TDRD7: variants seen among roughly 807,000 people sequenced by gnomAD.
TDRD7 encodes tudor domain-containing protein 7.
TDRD7 carries 47 observed loss-of-function variants against 109.8 expected under a neutral mutation model. The ratio of observed to expected loss-of-function variants is 0.43; its 90% CI spans 0.34 to 0.55. TDRD7 has a LOEUF of 0.55. Among genes scored for constraint, TDRD7 ranks in the 20% least tolerant of loss-of-function variants. TDRD7 has a pLI of 0.03. For missense variants in TDRD7, 1,164 were observed against 1,319.2 expected (o/e 0.88, Z 1.82); for synonymous variants, 424 against 457.3 (o/e 0.93, Z 0.93).
rs909440028 is a variant in TDRD7, at chr9:97,431,152, T to G, written c.349+78T>G. 2.5e-6 allele frequency: 4 copies of G among 1,582,920 alleles called. No homozygotes were observed. In the East Asian group the frequency reaches 6.7e-5, roughly 27 times the overall value. Reference sequence around the variant, plus strand: ...CATAGGGAATTATGGAAATATTGTTTGTATTATGATAAATACTTGTATCTG... The same window carrying G: ...CATAGGGAATTATGGAAATATTGTTGGTATTATGATAAATACTTGTATCTG... On this transcript the variant is annotated intron_variant, in intron 3 of 16. Coordinates refer to ENST00000355295, the MANE Select transcript of TDRD7 (RefSeq NM_014290.3).
chr9:97,456,986 A>G lies in TDRD7; in HGVS notation c.856-3192A>G, dbSNP rs191152930. Among the ~76,000 whole-genome samples, 122 of 152,278 alleles carry G rather than the reference A, an allele frequency of 8.0e-4. No homozygotes were observed. The South Asian group carries it at 0.018, about 23-fold the overall frequency. On this transcript the variant is annotated intron_variant, in intron 6 of 16. Coordinates refer to ENST00000355295, the MANE Select transcript of TDRD7 (RefSeq NM_014290.3). ...TAAACATATGTACAAGAAAAAAACA[A>G]CCCCATCAAAAAGTGGGCAAAGGGT... is the stretch of plus-strand genomic sequence containing the variant.
chr9:97,475,725 G>A (rs950216768), intron 12 of TDRD7, among the ~76,000 whole-genome samples: 8 of 151,848 alleles, frequency 5.3e-5, no homozygotes, highest in Admixed American at 4.6e-4. Context: ...TACTGTATTT[G>A]TACTTGTAGA....
chr9:97,473,727 G>A (rs1013931703), intron 11 of TDRD7, 101 bp downstream of exon 11: 16 of 1,471,468 alleles, frequency 1.1e-5, no homozygotes, highest in African/African-American at 5.6e-5. Flanking sequence ...TTGTATGAAC[G>A]ATTTTTTAGT....
At chr9:97,461,015 C>A (rs1019842214) in intron 7 of TDRD7, among the ~76,000 whole-genome samples, 1 of 152,010 alleles carries the variant, frequency 6.6e-6, no homozygotes, top group Non-Finnish European at 1.5e-5. Flanking sequence ...GTGGCGGGTG[C>A]CTGTAGTCCC....
At chr9:97,444,920 G>A (rs139835351) in intron 6 of TDRD7, among the ~76,000 whole-genome samples, 164 of 152,298 alleles carry the variant, frequency 1.1e-3, no homozygotes, top group African/African-American at 3.8e-3. Context: ...TTAGTATGCT[G>A]TAAGCCGCTT....
chr9:97,466,266 C>G (rs940221350), intron 8 of TDRD7, among the ~76,000 whole-genome samples: 1 of 152,218 alleles, frequency 6.6e-6, no homozygotes, highest in South Asian at 2.1e-4. Flanking sequence ...GCAGGTTGCT[C>G]AATAGGAGAG....
intron 7 of TDRD7, among the ~76,000 whole-genome samples, chr9:97,461,351 G>A (rs534807944): frequency 5.9e-5 from 9 of 152,118 alleles, no homozygotes; most frequent in South Asian, 4.1e-4. Flanking sequence ...TACCTAGTTC[G>A]CAGAAAAGGC....
intron 1 of TDRD7, among the ~76,000 whole-genome samples, chr9:97,427,907 A>G (rs1283131680): frequency 1.3e-5 from 2 of 151,932 alleles, no homozygotes; most frequent in Non-Finnish European, 2.9e-5. Flanking sequence ...TTTTTCCCCT[A>G]TTTAAAATAT....
intron 1 of TDRD7, among the ~76,000 whole-genome samples, chr9:97,413,344 G>A (rs1275686486): frequency 6.6e-6 from 1 of 152,218 alleles, no homozygotes; most frequent in Non-Finnish European, 1.5e-5. Context: ...TTTACAAATT[G>A]TGTGATCTTG....
intron 1 of TDRD7, among the ~76,000 whole-genome samples, chr9:97,427,959 G>C (rs530185123): frequency 6.6e-6 from 1 of 152,212 alleles, no homozygotes; most frequent in African/African-American, 2.4e-5. Context: ...GCAAACATGA[G>C]CATAATATAG....
In TDRD7 at chr9:97,453,459, T is replaced by G. The variant is rs115017874; in HGVS notation, c.856-6719T>G. Reference sequence around the variant, plus strand: ...CCATAATAAGTGTGTGAATCCTTCATTGGCAACCCAGGGTATCCAGGTTCT... The same window carrying G: ...CCATAATAAGTGTGTGAATCCTTCAGTGGCAACCCAGGGTATCCAGGTTCT... On this transcript the variant is annotated intron_variant, in intron 6 of 16. Coordinates refer to ENST00000355295, the MANE Select transcript of TDRD7 (RefSeq NM_014290.3). Among the ~76,000 whole-genome samples, 1,029 of 152,200 alleles carry G rather than the reference T, an allele frequency of 6.8e-3. 7 individuals carry two copies. The highest frequency in any genetic ancestry group is 0.023 in the African/African-American group (940 of 41,514).
intron 1 of TDRD7, among the ~76,000 whole-genome samples, chr9:97,425,026 C>T (rs767789079): frequency 3.9e-5 from 6 of 152,030 alleles, no homozygotes; most frequent in Non-Finnish European, 5.9e-5. Context: ...GACACTACAG[C>T]GCCTCATGTG....
rs1346735058 is a variant in TDRD7, at chr9:97,472,313, G to T, written c.1762G>T (p.Asp588Tyr). Residue 588 changes from aspartate to tyrosine, a missense_variant, in exon 10 of 17, where the codon GAC becomes TAC. This residue lies in a region of TDRD7 where 261 missense variants were observed against 336.2 expected (regional missense o/e 0.78). Transcript: ENST00000355295. ...KLAGLEVLSD[D>Y]PDLVKVVESL... The stretch of plus-strand genomic sequence containing the variant: ...TTCAGGCTTGGAAGTCCTAAGCGAT[G>T]ACCCTGATCTAGTGAAGGTGGTTGA... The T allele has an allele frequency of 3.1e-6, 5 of 1,613,854 alleles. No individual in the cohort carries two copies. Among genetic ancestry groups the T allele is most frequent in the Non-Finnish European group, 4.2e-6 (5 of 1,179,830 alleles).
At chr9:97,476,122 A>G (rs1422130130) in intron 12 of TDRD7, among the ~76,000 whole-genome samples, 7 of 152,290 alleles carry the variant, frequency 4.6e-5, no homozygotes, top group Admixed American at 3.3e-4. Flanking sequence ...CAATTTTACT[A>G]GATCTTGCTT....
Position 97,464,875 on chromosome 9 carries a change from A to C in TDRD7, c.1476A>C (p.Glu492Asp). The C allele has an allele frequency of 6.2e-7, 1 of 1,614,198 alleles. No individual in the cohort carries two copies. Among genetic ancestry groups the C allele is most frequent in the Non-Finnish European group, 8.5e-7 (1 of 1,180,018 alleles). ...YVGKDYSAAQ[E>D]LMEDEMKEYY... ...GCAAAGACTATTCTGCTGCTCAGGA[A>C]TTAATGGAAGATGAGATGAAGGAAT... Residue 492 changes from glutamate to aspartate, a missense_variant, in exon 8 of 17, where the codon GAA (glutamate) becomes GAC (aspartate). Around this residue, in one of 5 missense-constraint regions of TDRD7, gnomAD observed 261 missense variants for 336.2 expected, o/e 0.78. Transcript: ENST00000355295.
At chr9:97,474,465 A>G (rs1048332762) in intron 11 of TDRD7, among the ~76,000 whole-genome samples, 1 of 152,202 alleles carries the variant, frequency 6.6e-6, no homozygotes, top group Non-Finnish European at 1.5e-5. Context: ...TCTTGAGGGC[A>G]TAGACTGTGC....
chr9:97,449,722 G>A (rs187250718), intron 6 of TDRD7, among the ~76,000 whole-genome samples: 3 of 152,176 alleles, frequency 2.0e-5, no homozygotes, highest in Non-Finnish European at 2.9e-5. Flanking sequence ...CTTCCCTCCC[G>A]GCATTTGAAT....
At chr9:97,482,229 G>A (rs183394775) in intron 14 of TDRD7, among the ~76,000 whole-genome samples, 1 of 152,248 alleles carries the variant, frequency 6.6e-6, no homozygotes, top group Non-Finnish European at 1.5e-5. Context: ...CCGTTCTGTG[G>A]AGCTTGCTTC....
In TDRD7 at chr9:97,460,768, A is replaced by T. The variant is rs1208914164; in HGVS notation, c.1442+4A>T. ...ACACAAATGAAGTGGTTATCAGGCAAGTTTCATTTTCTAATTCTTTAGGAT... is the reference window on the plus strand; with the variant it reads ...ACACAAATGAAGTGGTTATCAGGCATGTTTCATTTTCTAATTCTTTAGGAT... On this transcript the variant is annotated splice_donor_region_variant and intron_variant, in intron 7 of 16. Coordinates refer to ENST00000355295, the MANE Select transcript of TDRD7 (RefSeq NM_014290.3). 1 of 1,612,326 alleles carries T rather than the reference A, an allele frequency of 6.2e-7. No homozygotes were observed. Among genetic ancestry groups the T allele is most frequent in the Non-Finnish European group, 8.5e-7 (1 of 1,178,424 alleles).
Sources: allele counts gnomAD v4.1 joint callset (sites outside exome capture counted in the v4.1 genomes callset), GRCh38; gene constraint gnomAD v4.1.1; regional missense constraint gnomAD v4.1.1; transcripts MANE v1.5; gene names NCBI Gene and HGNC (gene_info 2026-07-23, HGNC 2026-07-21).